Variants in PIP5K1A observed in about 807,000 individuals in gnomAD.
The protein encoded by PIP5K1A is phosphatidylinositol-4-phosphate 5-kinase type 1 alpha, also known as phosphatidylinositol 4-phosphate 5-kinase type-1 alpha.
A neutral mutation model predicts 72.9 loss-of-function variants in PIP5K1A; 46 were observed. That is an observed-to-expected ratio of 0.63 (90% CI 0.50 to 0.81). PIP5K1A has a LOEUF of 0.81. PIP5K1A is among the 30% of genes least tolerant of loss of function. The probability of loss-of-function intolerance (pLI) is 0.00; values close to 1 mark genes in which losing one functional copy is unlikely to be tolerated. For missense variants in PIP5K1A, 458 were observed against 706.1 expected (o/e 0.65, Z 3.98); for synonymous variants, 228 against 255.1 (o/e 0.89, Z 1.01).
chr1:151,236,448 C>A, intron 8 of PIP5K1A, 110 bp from the exon 9 acceptor site: 1 of 703,532 alleles, frequency 1.4e-6, no homozygotes, highest in Non-Finnish European at 2.4e-6. Flanking sequence ...TGCACTCTAG[C>A]CTGGGTTACA....
chr1:151,229,056 T>C (rs1388526638), intron 4 of PIP5K1A, among the ~76,000 whole-genome samples: 1 of 148,310 alleles, frequency 6.7e-6, no homozygotes, highest in African/African-American at 2.5e-5. Flanking sequence ...TAATCCCAGC[T>C]ACTCAGGAGG....
intron 1 of PIP5K1A, among the ~76,000 whole-genome samples, chr1:151,205,362 G>A (rs1172366562): frequency 2.0e-5 from 3 of 152,032 alleles, no homozygotes; most frequent in African/African-American, 7.2e-5. Flanking sequence ...TTTTAGTAGA[G>A]GCGGGGTTTC....
At chr1:151,245,150 T>G (rs1692314314) in intron 14 of PIP5K1A, among the ~76,000 whole-genome samples, 1 of 152,196 alleles carries the variant, frequency 6.6e-6, no homozygotes, top group Non-Finnish European at 1.5e-5. Context: ...TTTCTTTATC[T>G]TCTCCTATAT....
At chr1:151,225,942 A>T (rs1206694395) in intron 3 of PIP5K1A, among the ~76,000 whole-genome samples, 1 of 151,272 alleles carries the variant, frequency 6.6e-6, no homozygotes, top group Non-Finnish European at 1.5e-5. Flanking sequence ...ACGCCAGGCA[A>T]ATTTTTTGTA....
At chr1:151,238,357 C>T (rs1370433050) in intron 10 of PIP5K1A, 92 bp downstream of exon 10, 24 of 849,960 alleles carry the variant, frequency 2.8e-5, no homozygotes, top group East Asian at 1.5e-4. Context: ...CAAGTTCTTC[C>T]GGAAGCAAGA....
intron 9 of PIP5K1A, 117 bp from the exon 10 acceptor site, chr1:151,238,065 A>T: frequency 1.5e-6 from 1 of 666,568 alleles, no homozygotes; most frequent in Non-Finnish European, 2.7e-6. Flanking sequence ...ATCACTTATT[A>T]TCTGACCTTC....
chr1:151,228,750 A>T (rs587611611), intron 4 of PIP5K1A, among the ~76,000 whole-genome samples: 2 of 152,246 alleles, frequency 1.3e-5, no homozygotes, highest in South Asian at 4.2e-4. Flanking sequence ...TTTCTGGCCT[A>T]TGTAAATTTT....
chr1:151,216,933 G>GCCA (rs1558255440), intron 1 of PIP5K1A, among the ~76,000 whole-genome samples: 1 of 12,716 alleles, frequency 7.9e-5, no homozygotes, highest in Non-Finnish European at 1.6e-4. Context: ...TTTTTTTTGA[G>GCCA]ACGGAGTCTC....
At chr1:151,206,703 C>T (rs1558236995) in intron 1 of PIP5K1A, among the ~76,000 whole-genome samples, 1 of 152,110 alleles carries the variant, frequency 6.6e-6, no homozygotes, top group South Asian at 2.1e-4. Context: ...GAAGCTGGGA[C>T]TACAGGCACG....
At chr1:151,247,362 C>T (rs1692658363) in intron 15 of PIP5K1A, among the ~76,000 whole-genome samples, 3 of 151,958 alleles carry the variant, frequency 2.0e-5, no homozygotes, top group South Asian at 2.1e-4. Flanking sequence ...CTCCTGACGT[C>T]GTGATCTGCC....
rs759869485 is a variant in PIP5K1A at position 151,242,314 on chromosome 1, C to A, written c.1510+45C>A. 4 of 1,607,468 alleles carry A rather than the reference C, an allele frequency of 2.5e-6. No homozygotes were observed. The African/African-American group carries it at 4.0e-5, about 16-fold the overall frequency. ...TCCCCATGTGATTGGGTACTCCCTCCCTTCCTTCTGAGCCTTTATCTTGTC... is the reference window on the plus strand; with the variant it reads ...TCCCCATGTGATTGGGTACTCCCTCACTTCCTTCTGAGCCTTTATCTTGTC... On this transcript the variant is annotated intron_variant, in intron 13 of 15. Coordinates refer to ENST00000368888, the MANE Select transcript of PIP5K1A (RefSeq NM_001135638.2).
chr1:151,228,846 C>T (rs762014274), intron 4 of PIP5K1A, among the ~76,000 whole-genome samples: 22 of 152,158 alleles, frequency 1.4e-4, no homozygotes, highest in Non-Finnish European at 2.9e-4. Context: ...CCAGAATGGA[C>T]TCTGTGGCTC....
chr1:151,197,124 A>G (rs1684626607), upstream of PIP5K1A, among the ~76,000 whole-genome samples: 1 of 151,582 alleles, frequency 6.6e-6, no homozygotes, highest in African/African-American at 2.4e-5. Flanking sequence ...GGCCTCCCAA[A>G]GTGCTGGAAT....
rs71625114 is a variant in PIP5K1A at position 151,244,605 on chromosome 1, G to A, written c.1640+2038G>A. Among the ~76,000 whole-genome samples, 889 of 152,290 alleles carry A rather than the reference G, an allele frequency of 5.8e-3. 3 individuals carry two copies. The highest frequency in any genetic ancestry group is 0.01 in the Non-Finnish European group (692 of 68,022). On this transcript the variant is annotated intron_variant, in intron 14 of 15. Transcript: ENST00000368888. ...CCGGAGGCAGTGGTTGCAGTGAGCC[G>A]AAATCGCGCCACTGGACTCTAGCCT...
At chr1:151,242,700 C>CT in intron 14 of PIP5K1A, 133 bp downstream of exon 14, 1 of 809,100 alleles carries the variant, frequency 1.2e-6, no homozygotes. Flanking sequence ...ATATATCATA[C>CT]TTTCTGTGGG....
rs1160946193 is a variant in PIP5K1A, at chr1:151,239,971, A to T, written c.1295A>T (p.His432Leu). 6.2e-7 allele frequency: 1 copy of T among 1,612,890 alleles called. No homozygotes were observed. The highest frequency in any genetic ancestry group is 1.7e-5 in the Admixed American group (1 of 59,932). ...GCTCTGCAGGACACTGTCTCAGTGC[A>T]TCGCCCAGGCTTCTACGCTGAACGG... ...LVHDGDTVSVHRPGFYAERFQ... is the reference protein window; with the variant it reads ...LVHDGDTVSVLRPGFYAERFQ... Residue 432 changes from histidine to leucine, a missense_variant, in exon 12 of 16, where the codon CAT (histidine) becomes CTT (leucine). By Grantham distance (99) the His-to-Leu change is moderately conservative. Around this residue, in one of 3 missense-constraint regions of PIP5K1A, gnomAD observed 157 missense variants for 175.5 expected, o/e 0.89. Coordinates refer to ENST00000368888, the MANE Select transcript of PIP5K1A (RefSeq NM_001135638.2).
At chr1:151,237,319 A>C (rs1236336448) in intron 9 of PIP5K1A, among the ~76,000 whole-genome samples, 1 of 152,220 alleles carries the variant, frequency 6.6e-6, no homozygotes. Context: ...TCAAGAGTTA[A>C]AGACTTAAAA....
intron 1 of PIP5K1A, among the ~76,000 whole-genome samples, chr1:151,219,754 C>T (rs1377306097): frequency 1.3e-5 from 2 of 150,874 alleles, no homozygotes; most frequent in African/African-American, 4.9e-5. Context: ...TTCTAATCCC[C>T]GTACTTTGGG....
At chr1:151,236,930 C>T (rs896345527) in intron 9 of PIP5K1A, among the ~76,000 whole-genome samples, 167 bp downstream of exon 9, 5 of 147,734 alleles carry the variant, frequency 3.4e-5, no homozygotes, top group Non-Finnish European at 5.9e-5. Context: ...TGGGTTCAAG[C>T]GATTCTCCTG....
Sources: gnomAD v4.1 joint callset for allele counts (sites outside exome capture counted in the v4.1 genomes callset) on GRCh38, gnomAD v4.1.1 for gene constraint, gnomAD v4.1.1 regional missense constraint, MANE v1.5 for transcripts, NCBI Gene and HGNC (gene_info 2026-07-23, HGNC 2026-07-21) for gene names.